The following EIF4G3 variants were observed in gnomAD, a reference collection of about 807,000 sequenced individuals.
EIF4G3 encodes the protein eIF-4-gamma 3.
Under a neutral mutation model 186.4 loss-of-function variants are expected in EIF4G3, and 34 were observed. The ratio of observed to expected loss-of-function variants is 0.18; its 90% CI spans 0.14 to 0.24. The LOEUF (loss-of-function observed/expected upper bound fraction) is 0.24, where lower values mean the gene tolerates loss of function less well. Among genes scored for constraint, EIF4G3 ranks in the 10% least tolerant of loss-of-function variants. The pLI is 1.00. For synonymous variants in EIF4G3, 673 were observed against 679.5 expected (o/e 0.99, Z 0.15); for missense variants, 1,536 against 1,948.5 (o/e 0.79, Z 3.99).
At chr1:20,856,797 T>C (rs557226006) in intron 25 of EIF4G3, among the ~76,000 whole-genome samples, 1 of 152,214 alleles carries the variant, frequency 6.6e-6, no homozygotes, top group Non-Finnish European at 1.5e-5. Context: ...TCTTTGTTAT[T>C]ACCTCTTGTA....
At chr1:21,151,163 C>T (rs747573694) in intron 2 of EIF4G3, among the ~76,000 whole-genome samples, 6 of 150,388 alleles carry the variant, frequency 4.0e-5, no homozygotes, top group African/African-American at 7.3e-5. Flanking sequence ...CTGACTTCCA[C>T]GGAGAAAATG....
rs148214146 is a variant in EIF4G3 at position 21,146,092 on chromosome 1, C to T, written c.-272+30083G>A. Reference sequence around the variant, plus strand: ...CCTGGGAAACACAGCAAGACCCTGTCTCCAAAACTAAAAAAAATTGAGGAG... The same window carrying T: ...CCTGGGAAACACAGCAAGACCCTGTTTCCAAAACTAAAAAAAATTGAGGAG... On this transcript the variant is annotated intron_variant, in intron 2 of 36. Transcript: ENST00000602326. Among the ~76,000 whole-genome samples the T allele has an allele frequency of 4.4e-3, 673 of 152,144 alleles. 6 individuals carry two copies. Among genetic ancestry groups the T allele is most frequent in the Middle Eastern group, 0.041 (12 of 294 alleles).
chr1:20,842,110 ATTG>A (rs1245077135), intron 29 of EIF4G3, among the ~76,000 whole-genome samples: 5 of 152,204 alleles, frequency 3.3e-5, no homozygotes, highest in African/African-American at 4.8e-5. Context: ...AGATTCATCA[ATTG>A]TTGTTTTCTT....
chr1:21,006,660 T>C (rs543223783), intron 4 of EIF4G3, among the ~76,000 whole-genome samples: 2 of 152,182 alleles, frequency 1.3e-5, no homozygotes, highest in Non-Finnish European at 2.9e-5. Flanking sequence ...GAACAGTCCT[T>C]ATGGTGTACA....
intron 14 of EIF4G3, among the ~76,000 whole-genome samples, chr1:20,930,186 A>G (rs978571404): frequency 5.9e-5 from 9 of 152,214 alleles, no homozygotes; most frequent in Non-Finnish European, 7.3e-5. Flanking sequence ...TACCTTGATG[A>G]TGATGGCTGC....
rs565756456 is a variant in EIF4G3 at position 20,924,691 on chromosome 1, G to A, written c.1663+16800C>T. Among the ~76,000 whole-genome samples, 133 of 152,194 alleles carry A rather than the reference G, an allele frequency of 8.7e-4. 1 individual carries two copies. Among genetic ancestry groups the A allele is most frequent in the Non-Finnish European group, 1.7e-3 (119 of 68,002 alleles). ...AGCAATTCTCCTGCCTTAGTCTCCC[G>A]CGTAGCTGGAACTACGTGCACTACC... is the stretch of plus-strand genomic sequence containing the variant. On this transcript the variant is annotated intron_variant, in intron 14 of 36. Coordinates refer to ENST00000602326, the MANE Select transcript of EIF4G3 (RefSeq NM_001391906.1).
At chr1:21,023,454 T>A (rs1017367245) in intron 4 of EIF4G3, among the ~76,000 whole-genome samples, 99 of 151,906 alleles carry the variant, frequency 6.5e-4, no homozygotes, top group Non-Finnish European at 1.3e-3. Flanking sequence ...GAGACAGGGT[T>A]TCGCTGTGTT....
At chr1:20,896,916 C>T (rs1193000048) in intron 16 of EIF4G3, among the ~76,000 whole-genome samples, 1 of 152,212 alleles carries the variant, frequency 6.6e-6, no homozygotes, top group Non-Finnish European at 1.5e-5. Context: ...CAGTAGGCTA[C>T]ACTATACAGC....
Position 20,963,027 on chromosome 1 carries a change from C to T in EIF4G3, c.714+6447G>A, listed in dbSNP as rs370544848. 4.6e-5 allele frequency among the ~76,000 whole-genome samples: 7 copies of T among 150,556 alleles called. 1 individual carries two copies. In the South Asian group the frequency reaches 1.3e-3, roughly 28 times the overall value. Reference sequence around the variant, plus strand: ...TCAGTTTTCCAAAGTGCTGGGATTACAGGCGTGCACCACCATGTCCAGATT... The same window carrying T: ...TCAGTTTTCCAAAGTGCTGGGATTATAGGCGTGCACCACCATGTCCAGATT... On this transcript the variant is annotated intron_variant, in intron 12 of 36. Transcript: ENST00000602326.
chr1:21,127,691 C>T (rs900769429), intron 2 of EIF4G3, among the ~76,000 whole-genome samples: 25 of 152,168 alleles, frequency 1.6e-4, no homozygotes, highest in African/African-American at 5.8e-4. Context: ...TAGCATCTTA[C>T]ATTGTACTAC....
chr1:20,855,183 G>T, intron 25 of EIF4G3, 112 bp from the exon 26 acceptor site: 1 of 746,842 alleles, frequency 1.3e-6, no homozygotes, highest in Non-Finnish European at 2.1e-6. Context: ...ACAAAAATTT[G>T]TTTGGAATGC....
chr1:20,889,334 T>C (rs1178027443), intron 18 of EIF4G3, among the ~76,000 whole-genome samples: 6 of 152,186 alleles, frequency 3.9e-5, no homozygotes, highest in Admixed American at 3.3e-4. Context: ...TCTTTGCTGC[T>C]AGGATTTTTA....
At chr1:20,844,835 A>G (rs1056454897) in intron 29 of EIF4G3, among the ~76,000 whole-genome samples, 1 of 152,132 alleles carries the variant, frequency 6.6e-6, no homozygotes, top group Non-Finnish European at 1.5e-5. Context: ...TCCATCTCAA[A>G]AAACAAACAA....
At position 20,807,205 on chromosome 1, in the gene EIF4G3, A is replaced by G. The variant is rs1188365178; in HGVS notation, c.*114T>C. On this transcript the variant is annotated 3_prime_UTR_variant, in exon 37 of 37. Coordinates refer to ENST00000602326, the MANE Select transcript of EIF4G3 (RefSeq NM_001391906.1). ...TCTTTCCCCTCTCCCACTCGTGCAC[A>G]CGTGGGGGTTTCTGCGAGAATTGGC... 1.1e-6 allele frequency: 1 copy of G among 913,914 alleles called. No homozygotes were observed. The highest frequency in any genetic ancestry group is 1.7e-5 in the African/African-American group (1 of 60,130). 56.6% of individuals were successfully genotyped at this position (913,914 alleles called of 1,614,324 possible).
chr1:20,931,634 G>A (rs186095664), intron 14 of EIF4G3, among the ~76,000 whole-genome samples: 1 of 152,246 alleles, frequency 6.6e-6, no homozygotes, highest in Admixed American at 6.5e-5. Context: ...CACTGTGAAA[G>A]TGCTGGATGG....
intron 8 of EIF4G3, among the ~76,000 whole-genome samples, chr1:20,981,848 G>T (rs531318004): frequency 6.6e-6 from 1 of 151,192 alleles, no homozygotes; most frequent in Admixed American, 6.6e-5. Flanking sequence ...ATAACAAAAG[G>T]GGTAGCTAAT....
chr1:20,852,992 A>G (rs1292556426), intron 27 of EIF4G3, among the ~76,000 whole-genome samples: 3 of 152,182 alleles, frequency 2.0e-5, no homozygotes, highest in Non-Finnish European at 4.4e-5. Context: ...TTAAAAAAAA[A>G]AAGTTTTAGA....
chr1:20,842,620 C>T (rs1428913336), intron 29 of EIF4G3, among the ~76,000 whole-genome samples: 2 of 152,204 alleles, frequency 1.3e-5, no homozygotes, highest in Non-Finnish European at 2.9e-5. Context: ...CCTGCCTCAG[C>T]CTCCCAAAAT....
At chr1:20,883,682 C>T (rs2083159318) in intron 19 of EIF4G3, among the ~76,000 whole-genome samples, 1 of 149,896 alleles carries the variant, frequency 6.7e-6, no homozygotes, top group South Asian at 2.1e-4. Context: ...ACAGAAAGAG[C>T]TAGGTAAAGG....
Sources: gnomAD v4.1 joint callset for allele counts (sites outside exome capture counted in the v4.1 genomes callset) on GRCh38, gnomAD v4.1.1 for gene constraint, MANE v1.5 for transcripts, NCBI Gene and HGNC (gene_info 2026-07-23, HGNC 2026-07-21) for gene names.